Variants in ATAD2 observed in about 807,000 individuals in gnomAD.
The protein encoded by ATAD2 is ATPase family AAA domain containing 2.
Under a neutral mutation model 168.9 loss-of-function variants are expected in ATAD2, and 62 were observed. The ratio of observed to expected loss-of-function variants is 0.37; its 90% CI spans 0.30 to 0.45. ATAD2 has a LOEUF of 0.45. Among genes scored for constraint, ATAD2 ranks in the 20% least tolerant of loss-of-function variants. The pLI is 1.00. For missense variants in ATAD2, 1,419 were observed against 1,667.8 expected, an observed-to-expected ratio of 0.85 and a Z score of 2.60; for synonymous variants, 613 against 571.6, an observed-to-expected ratio of 1.07 and a Z score of -1.03.
chr8:123,323,045 T>C lies in ATAD2; in HGVS notation c.4024A>G (p.Lys1342Glu), dbSNP rs761794223. The C allele has an allele frequency of 2.5e-5, 41 of 1,611,698 alleles. No homozygotes were observed. Among genetic ancestry groups the C allele is most frequent in the Non-Finnish European group, 3.4e-5 (40 of 1,178,488 alleles). The change falls in exon 27 of 28, where the codon AAA (lysine) becomes GAA (glutamate). Residue 1342 changes from lysine (K) to glutamate (E), a missense_variant. Lys to Glu is a moderately conservative substitution (Grantham distance 56). Transcript: ENST00000287394. ...AATATGTTGTAGTTTTGACTTTTTT[T>C]AACAACAGTCTTCAAAAGATTCTAA... ...RLKNLLKTVV[K>E]KSQNYNIFQL...
At chr8:123,401,951 G>T (rs943718314) in intron 1 of ATAD2, 37 of 846,154 alleles carry the variant, frequency 4.4e-5, no homozygotes, top group Non-Finnish European at 6.4e-5. Flanking sequence ...CCTCATAGTG[G>T]GCATCCAGCA....
upstream of ATAD2, chr8:123,401,374 G>A (rs1812996802): frequency 5.7e-6 from 8 of 1,406,434 alleles, no homozygotes; most frequent in Admixed American, 1.7e-5. Context: ...CCAGGCGGGT[G>A]TCGACGTCAT....
intron 1 of ATAD2, among the ~76,000 whole-genome samples, chr8:123,390,578 T>G (rs899735901): frequency 6.6e-6 from 1 of 152,240 alleles, no homozygotes; most frequent in African/African-American, 2.4e-5. Context: ...TGTTATGCTT[T>G]AAGTTTTTAA....
At chr8:123,344,547 C>T (rs1040556245) in intron 19 of ATAD2, 2 of 236,902 alleles carry the variant, frequency 8.4e-6, no homozygotes, top group African/African-American at 4.6e-5. Context: ...CAGGGTTTCA[C>T]CCTGTTAGCC....
chr8:123,330,272 G>A (rs991089305), intron 24 of ATAD2, among the ~76,000 whole-genome samples: 3 of 152,054 alleles, frequency 2.0e-5, no homozygotes, highest in African/African-American at 7.2e-5. Context: ...TTACAGACAT[G>A]AGCCATAGTG....
chr8:123,321,115 A>G lies in ATAD2; in HGVS notation c.*19T>C. 1 of 1,605,958 alleles carries G rather than the reference A, an allele frequency of 6.2e-7. No homozygotes were observed. The highest frequency in any genetic ancestry group is 8.5e-7 in the Non-Finnish European group (1 of 1,176,598). On this transcript the variant is annotated 3_prime_UTR_variant, in exon 28 of 28. Transcript: ENST00000287394. ...TAAATAGGAACTGAATATAAAGAATACTCGATACCATGACATCATCATCTG... is the reference window on the plus strand; with the variant it reads ...TAAATAGGAACTGAATATAAAGAATGCTCGATACCATGACATCATCATCTG...
rs781346384 is a variant in ATAD2, at chr8:123,320,039, T to C, written c.*1095A>G. On this transcript the variant is annotated 3_prime_UTR_variant, in exon 28 of 28. Transcript: ENST00000287394. ...GCATTGCTTTATGCATTACATAAGA[T>C]AGTATGTACTAATTAAGGTATTGAA... The C allele has an allele frequency of 6.6e-6, 1 of 152,172 alleles. No homozygotes were observed. The highest frequency in any genetic ancestry group is 2.4e-5 in the African/African-American group (1 of 41,450). The allele number at this position is 152,172 out of a possible 1,614,324, so 9.4% of individuals were successfully genotyped here.
chr8:123,326,057 G>A (rs1205584149), intron 25 of ATAD2, 31 bp from the exon 26 acceptor site: 3 of 1,607,090 alleles, frequency 1.9e-6, no homozygotes. Flanking sequence ...ATTATTATTT[G>A]GTCCATAGAT....
At chr8:123,404,922 A>G (rs1402016069) in intron 1 of ATAD2, among the ~76,000 whole-genome samples, 1 of 152,210 alleles carries the variant, frequency 6.6e-6, no homozygotes, top group Admixed American at 6.5e-5. Flanking sequence ...TTGAGATCTC[A>G]GTTATATCTG....
At chr8:123,395,235 T>C (rs1812769194) in intron 1 of ATAD2, among the ~76,000 whole-genome samples, 1 of 152,166 alleles carries the variant, frequency 6.6e-6, no homozygotes, top group Non-Finnish European at 1.5e-5. Flanking sequence ...CTAAATTTAC[T>C]AGCGAGCTTC....
At chr8:123,357,843 TG>T in intron 11 of ATAD2, 107 bp from the exon 12 acceptor site, 1 of 1,144,724 alleles carries the variant, frequency 8.7e-7, no homozygotes, top group Non-Finnish European at 1.2e-6. Context: ...AATTAAAATG[TG>T]TAAGACAACT....
chr8:123,358,723 C>CTTTTTTTTT (rs772822406), intron 11 of ATAD2, among the ~76,000 whole-genome samples: 1 of 76,842 alleles, frequency 1.3e-5, no homozygotes, highest in Non-Finnish European at 2.4e-5. Context: ...TGGTACATTA[C>CTTTTTTTTT]TTTTTTTTTT....
intron 1 of ATAD2, among the ~76,000 whole-genome samples, chr8:123,406,102 C>T (rs1813064812): frequency 6.6e-6 from 1 of 152,108 alleles, no homozygotes; most frequent in Non-Finnish European, 1.5e-5. Context: ...GCAGCCTGGG[C>T]ATAGTGGCTT....
chr8:123,397,708 G>A (rs1812921090), upstream of ATAD2, among the ~76,000 whole-genome samples: 1 of 152,166 alleles, frequency 6.6e-6, no homozygotes, highest in Non-Finnish European at 1.5e-5. Flanking sequence ...GAACAAAAAT[G>A]CCCTAATGGA....
At position 123,402,166 on chromosome 8, in the gene ATAD2, T is replaced by C. The variant is rs1813011817; in HGVS notation, c.-2281-991A>G. 1.5e-6 allele frequency: 1 copy of C among 687,972 alleles called. No homozygotes were observed. The highest frequency in any genetic ancestry group is 2.0e-5 in the Admixed American group (1 of 48,850). The allele number at this position is 687,972 out of a possible 1,614,324, so 42.6% of individuals were successfully genotyped here. A position where few individuals can be genotyped will look rare whatever the true frequency, so the allele number is the denominator to read the frequency against. On this transcript the variant is annotated intron_variant, in intron 1 of 28. Transcript: ENST00000521903. The surrounding 1 kb of genome is among the most constrained non-coding windows in gnomAD (Gnocchi z 4.8). ...ACCCCCCAGTGTCCACCTTCGGGCA[T>C]AGCCTCCCTCCATCACTGAGTGGTC...
chr8:123,348,083 C>T (rs1039680238), intron 15 of ATAD2, 100 bp downstream of exon 15: 18 of 955,656 alleles, frequency 1.9e-5, no homozygotes, highest in Non-Finnish European at 2.8e-5. Flanking sequence ...ATTACTTTTA[C>T]AGGCAAAAAC....
chr8:123,354,867 ATATAT>A (rs1828588696), intron 13 of ATAD2, among the ~76,000 whole-genome samples: 1 of 66,014 alleles, frequency 1.5e-5, no homozygotes, highest in African/African-American at 6.2e-5. Context: ...AAAAAAAAAT[ATATAT>A]ATATATATAT....
chr8:123,380,607 G>A lies in ATAD2; in HGVS notation c.242C>T (p.Ala81Val), dbSNP rs143253920. ...TRALRSLRKDAQNSSDSSFEK... is the reference protein window; with the variant it reads ...TRALRSLRKDVQNSSDSSFEK... ...AAAACTAGAATCTGAAGAATTCTGT[G>A]CATCTTTTCTCAAAGATCTTAAAGC... Residue 81 changes from alanine to valine, a missense_variant, in exon 2 of 28, where the codon GCA becomes GTA. Ala to Val is a moderately conservative substitution (Grantham distance 64). This residue lies in a region of ATAD2 where 419 missense variants were observed against 423.5 expected (regional missense o/e 0.99). Transcript: ENST00000287394. 1.7e-4 allele frequency: 267 copies of A among 1,613,812 alleles called. No individual in the cohort carries two copies. The highest frequency in any genetic ancestry group is 2.1e-4 in the Non-Finnish European group (253 of 1,179,898).
chr8:123,401,355 C>A, upstream of ATAD2: 2 of 1,404,676 alleles, frequency 1.4e-6, no homozygotes, highest in Non-Finnish European at 2.0e-6. Context: ...ACCGCCTGGA[C>A]CTGCTCACCC....
Sources: allele counts gnomAD v4.1 joint callset (sites outside exome capture counted in the v4.1 genomes callset), GRCh38; gene constraint gnomAD v4.1.1; regional missense constraint gnomAD v4.1.1; non-coding constraint Gnocchi (gnomAD v3.1); transcripts MANE v1.5; gene names NCBI Gene and HGNC (gene_info 2026-07-23, HGNC 2026-07-21).